The following BEAN1 variants were observed in gnomAD, a reference collection of about 807,000 sequenced individuals.
BEAN1 encodes brain expressed associated with NEDD4 1.
Under a neutral mutation model 17.7 loss-of-function variants are expected in BEAN1, and 17 were observed. The ratio of observed to expected loss-of-function variants is 0.96; its 90% confidence interval spans 0.66 to 1.44. The LOEUF (loss-of-function observed/expected upper bound fraction) is 1.44. Ranked by LOEUF, BEAN1 falls within the 40% of genes most tolerant of loss-of-function variation. The pLI is 0.00. For synonymous variants in BEAN1, 142 were observed against 151.8 expected, an observed-to-expected ratio of 0.94 and a Z score of 0.47; for missense variants, 359 against 374.1, an observed-to-expected ratio of 0.96 and a Z score of 0.33.
chr16:66,487,544 C>G (rs1030108119), downstream of BEAN1, among the ~76,000 whole-genome samples: 3 of 152,162 alleles, frequency 2.0e-5, no homozygotes, highest in Non-Finnish European at 4.4e-5. Context: ...GAGTTCCAGA[C>G]CTGGGACCCT....
At chr16:66,490,218 TAAAAAAAA>T (rs774079713) in intron 4 of BEAN1, among the ~76,000 whole-genome samples, 2 of 43,604 alleles carry the variant, frequency 4.6e-5, no homozygotes, top group Non-Finnish European at 8.5e-5. Context: ...CCATCTCTAC[TAAAAAAAA>T]AAAAAAAAAA....
intron 1 of BEAN1, among the ~76,000 whole-genome samples, chr16:66,437,358 C>T (rs961897660): frequency 4.6e-5 from 7 of 152,016 alleles, no homozygotes; most frequent in Non-Finnish European, 8.8e-5. Context: ...GATATCTCCT[C>T]CCCACCACCC....
At chr16:66,448,759 G>A (rs1434108124) in intron 2 of BEAN1, among the ~76,000 whole-genome samples, 1 of 152,236 alleles carries the variant, frequency 6.6e-6, no homozygotes, top group Non-Finnish European at 1.5e-5. Flanking sequence ...GGAGGCAGAG[G>A]TTGCGGTGAG....
In BEAN1 at chr16:66,471,450, G is replaced by C. The variant is rs796128825; in HGVS notation, c.289+1585G>C. On this transcript the variant is annotated intron_variant, in intron 3 of 4. Coordinates refer to ENST00000536005, the MANE Select transcript of BEAN1 (RefSeq NM_001178020.3). This position sits in a 1 kb window ranked among gnomAD's most constrained non-coding sequence, Gnocchi z 4.7. ...AGCACTGCCCAGGAAGGGAGCTGGA[G>C]GTGTCGGGGAGACGCCCCTGGGAGC... 2.0e-5 allele frequency among the ~76,000 whole-genome samples: 3 copies of C among 152,248 alleles called. No homozygotes were observed. The highest frequency in any genetic ancestry group is 7.2e-5 in the African/African-American group (3 of 41,468).
downstream of BEAN1, chr16:66,484,483 T>C: frequency 2.4e-6 from 1 of 420,022 alleles, no homozygotes; most frequent in South Asian, 1.7e-5. The surrounding 1 kb of genome is among the most constrained non-coding windows in gnomAD (Gnocchi z 4.2). Flanking sequence ...TGCACATTCC[T>C]AAGGAGATGC....
chr16:66,461,294 T>C (rs1024818002), intron 2 of BEAN1, among the ~76,000 whole-genome samples: 2 of 152,202 alleles, frequency 1.3e-5, no homozygotes, highest in Admixed American at 1.3e-4. Context: ...ATTTCCCTCA[T>C]AATTTAAAGC....
chr16:66,456,490 A>G (rs1962873290), intron 2 of BEAN1, among the ~76,000 whole-genome samples: 1 of 152,244 alleles, frequency 6.6e-6, no homozygotes, highest in Admixed American at 6.5e-5. Context: ...TTATATATAT[A>G]AAAGCCTCTG....
At chr16:66,449,906 A>C (rs1037986600) in intron 2 of BEAN1, among the ~76,000 whole-genome samples, 5 of 152,220 alleles carry the variant, frequency 3.3e-5, no homozygotes, top group Admixed American at 1.3e-4. Flanking sequence ...GTAAGATCCA[A>C]TTATCTAAAA....
intron 2 of BEAN1, among the ~76,000 whole-genome samples, chr16:66,454,296 T>C (rs1179511101): frequency 6.6e-6 from 1 of 152,244 alleles, no homozygotes; most frequent in Non-Finnish European, 1.5e-5. Context: ...GCTGAGTTTC[T>C]AATTGCTTTG....
At chr16:66,442,326 G>A (rs1463045378) in intron 2 of BEAN1, among the ~76,000 whole-genome samples, 1 of 152,230 alleles carries the variant, frequency 6.6e-6, no homozygotes, top group Non-Finnish European at 1.5e-5. Context: ...GCCACCAGCT[G>A]ATGGCAGCTC....
At chr16:66,489,112 C>G (rs1008909743) in intron 4 of BEAN1, among the ~76,000 whole-genome samples, 7 of 151,390 alleles carry the variant, frequency 4.6e-5, no homozygotes, top group Admixed American at 1.3e-4. Context: ...GTGGAGGTAG[C>G]AGTGAGCCGA....
intron 2 of BEAN1, among the ~76,000 whole-genome samples, chr16:66,457,815 C>G (rs1567494880): frequency 6.6e-6 from 1 of 151,734 alleles, no homozygotes; most frequent in Non-Finnish European, 1.5e-5. Context: ...AGAGGAGACT[C>G]AGAAGTATCC....
intron 2 of BEAN1, among the ~76,000 whole-genome samples, chr16:66,440,591 T>A (rs968517957): frequency 6.6e-6 from 1 of 152,230 alleles, no homozygotes; most frequent in Non-Finnish European, 1.5e-5. Flanking sequence ...GCACCTGCCC[T>A]GGGATGCTGG....
chr16:66,466,893 T>C (rs770800386), intron 2 of BEAN1, among the ~76,000 whole-genome samples: 2 of 152,208 alleles, frequency 1.3e-5, no homozygotes, highest in Non-Finnish European at 2.9e-5. Context: ...TTTAGTGTGA[T>C]GTCATTTTAA....
At chr16:66,474,545 A>AGAGGGAGGGAGG (rs1963616321) in intron 3 of BEAN1, among the ~76,000 whole-genome samples, 3 of 91,202 alleles carry the variant, frequency 3.3e-5, no homozygotes, top group Middle Eastern at 5.0e-3. Flanking sequence ...GGAAGAAGAA[A>AGAGGGAGGGAGG]GAGGGAGGGA....
chr16:66,446,865 C>T (rs1962475614), intron 2 of BEAN1, among the ~76,000 whole-genome samples: 1 of 152,126 alleles, frequency 6.6e-6, no homozygotes, highest in African/African-American at 2.4e-5. Flanking sequence ...AAATTAGCTA[C>T]CCTGATTCTC....
At chr16:66,488,359 C>A (rs1053493593) in intron 4 of BEAN1, among the ~76,000 whole-genome samples, 2 of 151,804 alleles carry the variant, frequency 1.3e-5, no homozygotes, top group African/African-American at 4.8e-5. Context: ...AAAGAGAGAA[C>A]CTTGGCCTGG....
At chr16:66,480,234 T>C (rs1426988923) in intron 4 of BEAN1, among the ~76,000 whole-genome samples, 1 of 152,112 alleles carries the variant, frequency 6.6e-6, no homozygotes, top group Non-Finnish European at 1.5e-5. Flanking sequence ...TCTGGTAGCC[T>C]GAGGTTGGTC....
Position 66,482,779 on chromosome 16 carries a change from G to A in BEAN1, c.*1854G>A. On this transcript the variant is annotated 3_prime_UTR_variant, in exon 5 of 5. Coordinates refer to ENST00000536005, the MANE Select transcript of BEAN1 (RefSeq NM_001178020.3). ...GAATAAGCAACAATGTATCTTTTCT[G>A]TGTTCAAAATAAATACATAATATCA... 2.3e-6 allele frequency: 1 copy of A among 437,602 alleles called. No individual in the cohort carries two copies. The allele number at this position is 437,602 out of a possible 1,614,324, so 27.1% of individuals were successfully genotyped here. A position where few individuals can be genotyped will look rare whatever the true frequency, so the allele number is the denominator to read the frequency against.
Sources: allele counts gnomAD v4.1 joint callset (sites outside exome capture counted in the v4.1 genomes callset), GRCh38; gene constraint gnomAD v4.1.1; non-coding constraint Gnocchi (gnomAD v3.1); transcripts MANE v1.5; gene names NCBI Gene and HGNC (gene_info 2026-07-23, HGNC 2026-07-21).